Variants in TRAF3 observed in about 807,000 individuals in gnomAD.
TRAF3 encodes TNF receptor-associated factor 3.
TRAF3 carries 13 observed loss-of-function variants against 62.3 expected under a neutral mutation model. The ratio of observed to expected loss-of-function variants is 0.21; its 90% CI spans 0.14 to 0.33. The LOEUF is 0.33. Ranked by LOEUF, TRAF3 falls within the 10% of genes least tolerant of loss-of-function variation. The probability of loss-of-function intolerance (pLI) is 1.00; values close to 1 mark genes in which losing one functional copy is unlikely to be tolerated. For missense variants in TRAF3, 440 were observed against 741.8 expected (o/e 0.59, Z 4.73); for synonymous variants, 269 against 283.4 (o/e 0.95, Z 0.51).
At chr14:102,828,397 C>A (rs577331619) in intron 1 of TRAF3, among the ~76,000 whole-genome samples, 5 of 152,332 alleles carry the variant, frequency 3.3e-5, no homozygotes, top group Admixed American at 2.6e-4. Flanking sequence ...GAAGGTAATA[C>A]TCCTCCGGAC....
At chr14:102,794,029 CAG>C (rs1450308759) in intron 1 of TRAF3, among the ~76,000 whole-genome samples, 1 of 152,202 alleles carries the variant, frequency 6.6e-6, no homozygotes, top group Admixed American at 6.6e-5. Context: ...AGGCCAGGCT[CAG>C]GGGATCCTCC....
rs146262061 is a variant in TRAF3, at chr14:102,900,756, G to C, written c.961-2499G>C. Among the ~76,000 whole-genome samples the C allele has an allele frequency of 3.2e-3, 490 of 152,356 alleles. 1 individual carries two copies. Among genetic ancestry groups the C allele is most frequent in the Non-Finnish European group, 5.2e-3 (357 of 68,030 alleles). On this transcript the variant is annotated intron_variant, in intron 10 of 11. Transcript: ENST00000392745. ...GTGAGGCATCACAGCAGGTGACACGGTTGCAGCCCTGGCATGCAAGTGTAT... is the reference window on the plus strand; with the variant it reads ...GTGAGGCATCACAGCAGGTGACACGCTTGCAGCCCTGGCATGCAAGTGTAT...
At chr14:102,791,990 T>G (rs1237034863) in intron 1 of TRAF3, among the ~76,000 whole-genome samples, 1 of 151,826 alleles carries the variant, frequency 6.6e-6, no homozygotes, top group Admixed American at 6.6e-5. Flanking sequence ...TTTTTTTTAT[T>G]TTTTATTTTT....
At chr14:102,814,451 A>G (rs2139539462) in intron 1 of TRAF3, among the ~76,000 whole-genome samples, 1 of 152,046 alleles carries the variant, frequency 6.6e-6, no homozygotes, top group East Asian at 1.9e-4. Context: ...AAATTTTAGG[A>G]TATTTTTTCT....
chr14:102,837,574 A>C (rs1356664988), intron 2 of TRAF3, among the ~76,000 whole-genome samples: 1 of 152,106 alleles, frequency 6.6e-6, no homozygotes, highest in Non-Finnish European at 1.5e-5. Context: ...TCAGGTTGTG[A>C]ATGTCATATA....
intron 2 of TRAF3, among the ~76,000 whole-genome samples, chr14:102,867,851 C>T (rs1488337700): frequency 6.6e-6 from 1 of 152,212 alleles, no homozygotes; most frequent in East Asian, 1.9e-4. Context: ...TAAGTAATTT[C>T]CCACATTTTG....
rs1011127710 is a variant in TRAF3 at position 102,907,337 on chromosome 14, G to C, written c.*1553G>C. The C allele has an allele frequency of 6.6e-6, 1 of 152,274 alleles. No individual in the cohort carries two copies. The highest frequency in any genetic ancestry group is 6.5e-5 in the Admixed American group (1 of 15,292). 9.4% of individuals were successfully genotyped at this position (152,274 alleles called of 1,614,324 possible). On this transcript the variant is annotated 3_prime_UTR_variant, in exon 12 of 12. Transcript: ENST00000392745. ...CCACCCTGGCGGGAAGGGTGGCCAC[G>C]GGGCCCGTCGTCCCAGCCTGTGCCT...
chr14:102,827,619 A>G (rs1412622499), intron 1 of TRAF3, among the ~76,000 whole-genome samples: 1 of 152,182 alleles, frequency 6.6e-6, no homozygotes, highest in East Asian at 1.9e-4. Flanking sequence ...ATTTTGGAGC[A>G]GTTTGGATTT....
At chr14:102,783,260 T>TCACC (rs1250389503) in intron 1 of TRAF3, among the ~76,000 whole-genome samples, 3 of 152,130 alleles carry the variant, frequency 2.0e-5, no homozygotes, top group African/African-American at 7.2e-5. Context: ...TTCCTGGAGG[T>TCACC]CAGGCTTCCA....
At chr14:102,865,600 A>G (rs1327195423) in intron 2 of TRAF3, among the ~76,000 whole-genome samples, 1 of 151,830 alleles carries the variant, frequency 6.6e-6, no homozygotes, top group Non-Finnish European at 1.5e-5. Context: ...CCCAGGTTCA[A>G]GCAATTCTCC....
chr14:102,897,576 C>T (rs1411362762), intron 10 of TRAF3, among the ~76,000 whole-genome samples, 175 bp downstream of exon 10: 5 of 152,100 alleles, frequency 3.3e-5, no homozygotes, highest in Admixed American at 3.3e-4. Flanking sequence ...TAGCACAGGC[C>T]CGGCCTGGGA....
intron 1 of TRAF3, among the ~76,000 whole-genome samples, chr14:102,782,089 C>G (rs1015856845): frequency 6.6e-6 from 1 of 151,888 alleles, no homozygotes; most frequent in Non-Finnish European, 1.5e-5. Flanking sequence ...CCACTGTGCC[C>G]AGCCTTCCCA....
intron 6 of TRAF3, among the ~76,000 whole-genome samples, chr14:102,882,473 G>C (rs1411067474): frequency 1.3e-5 from 2 of 152,098 alleles, no homozygotes; most frequent in Admixed American, 1.3e-4. Flanking sequence ...GCAGTTGCTG[G>C]TTGGCTGCCT....
At chr14:102,808,053 A>G (rs1419151652) in intron 1 of TRAF3, among the ~76,000 whole-genome samples, 1 of 152,182 alleles carries the variant, frequency 6.6e-6, no homozygotes, top group Admixed American at 6.6e-5. Flanking sequence ...GCATGGATGG[A>G]ATGCATGGTC....
At chr14:102,868,574 C>T (rs1888145070) in intron 2 of TRAF3, among the ~76,000 whole-genome samples, 1 of 152,196 alleles carries the variant, frequency 6.6e-6, no homozygotes. Context: ...ATGGTGCACA[C>T]GCTGACCTAA....
At chr14:102,867,839 A>G (rs565528928) in intron 2 of TRAF3, among the ~76,000 whole-genome samples, 7 of 152,238 alleles carry the variant, frequency 4.6e-5, no homozygotes, top group Non-Finnish European at 1.0e-4. Context: ...TGTTTTCACA[A>G]ATAAGTAATT....
chr14:102,846,202 C>T (rs958922958), intron 2 of TRAF3, among the ~76,000 whole-genome samples: 2 of 151,914 alleles, frequency 1.3e-5, no homozygotes, highest in African/African-American at 4.8e-5. Flanking sequence ...AAACACATGC[C>T]TAAAGTGATT....
At chr14:102,861,613 G>C (rs1483197208) in intron 2 of TRAF3, among the ~76,000 whole-genome samples, 1 of 152,064 alleles carries the variant, frequency 6.6e-6, no homozygotes, top group Admixed American at 6.6e-5. Flanking sequence ...TCATCCCTTT[G>C]GGGCTTGCCA....
In TRAF3 at chr14:102,794,407, T is replaced by C. The variant is rs577289924; in HGVS notation, c.-157+16732T>C. Reference sequence around the variant, plus strand: ...TACGTTGCCCAGGCTGGTCTTGAACTCCTGGGTTCAAACGATCCTCCCACC... The same window carrying C: ...TACGTTGCCCAGGCTGGTCTTGAACCCCTGGGTTCAAACGATCCTCCCACC... On this transcript the variant is annotated intron_variant, in intron 1 of 11. Coordinates refer to ENST00000392745, the MANE Select transcript of TRAF3 (RefSeq NM_145725.3). Among the ~76,000 whole-genome samples the C allele has an allele frequency of 5.9e-5, 9 of 152,322 alleles. 2 individuals are homozygous for C. The South Asian group carries it at 1.9e-3, about 32-fold the overall frequency.
Sources: gnomAD v4.1 joint callset for allele counts (sites outside exome capture counted in the v4.1 genomes callset) on GRCh38, gnomAD v4.1.1 for gene constraint, MANE v1.5 for transcripts, NCBI Gene and HGNC (gene_info 2026-07-23, HGNC 2026-07-21) for gene names.